The following GLP1R variants were observed in gnomAD, a reference collection of about 807,000 sequenced individuals.
GLP1R encodes glucagon like peptide 1 receptor.
A neutral mutation model predicts 68.4 loss-of-function variants in GLP1R; 32 were observed. The observed-to-expected ratio is 0.47, with a 90% CI of 0.35 to 0.63. GLP1R has a LOEUF of 0.63. Ranked by LOEUF, GLP1R falls within the 20% of genes least tolerant of loss-of-function variation. The pLI is 0.00. For synonymous variants in GLP1R, 263 were observed against 244.4 expected (o/e 1.08, Z -0.71); for missense variants, 502 against 594.9 (o/e 0.84, Z 1.62).
rs570334842 is a variant in GLP1R, at chr6:39,077,908, C to T, written c.824-414C>T. Among the ~76,000 whole-genome samples, 6 of 152,252 alleles carry T rather than the reference C, an allele frequency of 3.9e-5. No individual in the cohort carries two copies. The South Asian group carries it at 1.0e-3, about 26-fold the overall frequency. ...AGTGCCTTTAGGAGTTGACTGGCAA[C>T]GTGGGCTGAAGCAAGAGAGAAAATG... On this transcript the variant is annotated intron_variant, in intron 7 of 12. Coordinates refer to ENST00000373256, the MANE Select transcript of GLP1R (RefSeq NM_002062.5).
chr6:39,072,788 A>C, intron 5 of GLP1R, 74 bp from the exon 6 acceptor site: 1 of 1,337,716 alleles, frequency 7.5e-7, no homozygotes, highest in Non-Finnish European at 1.1e-6. Context: ...TGTGTGTGTT[A>C]GCTTGAGAGC....
rs201174286 is a variant in GLP1R at position 39,086,201 on chromosome 6, A to C, written c.*128A>C. On this transcript the variant is annotated 3_prime_UTR_variant, in exon 13 of 13. Transcript: ENST00000373256. This position sits in a 1 kb window ranked among gnomAD's most constrained non-coding sequence, Gnocchi z 4.5. ...CACACACACACACACACACACACAC[A>C]CACATACATCCTGCTTTCCCTCCCC... The C allele has an allele frequency of 5.2e-6, 3 of 579,862 alleles. No homozygotes were observed. Among genetic ancestry groups the C allele is most frequent in the Non-Finnish European group, 8.3e-6 (3 of 360,702 alleles). 35.9% of individuals were successfully genotyped at this position (579,862 alleles called of 1,614,324 possible).
Position 39,079,259 on chromosome 6 carries a change from C to A in GLP1R, c.1043+59C>A. The A allele has an allele frequency of 9.0e-7, 1 of 1,106,450 alleles. No individual in the cohort carries two copies. The highest frequency in any genetic ancestry group is 1.4e-6 in the Non-Finnish European group (1 of 723,104). The allele number at this position is 1,106,450 out of a possible 1,614,324, so 68.5% of individuals were successfully genotyped here. ...TCAGCAAGTGCCCCTTTCCTTCTAG[C>A]AGAGAGAGAGAGAGAGATCCTGGGA... On this transcript the variant is annotated intron_variant, in intron 10 of 12. Transcript: ENST00000373256. This position sits in a 1 kb window ranked among gnomAD's most constrained non-coding sequence, Gnocchi z 4.5.
intron 8 of GLP1R, among the ~76,000 whole-genome samples, 190 bp from the exon 9 acceptor site, chr6:39,078,767 C>T (rs761251678): frequency 7.9e-5 from 12 of 152,028 alleles, no homozygotes; most frequent in African/African-American, 1.9e-4. Context: ...TTGGACTATG[C>T]GTGTGTGTTG....
chr6:39,056,731 C>A (rs1013517536), intron 2 of GLP1R, among the ~76,000 whole-genome samples: 3 of 152,232 alleles, frequency 2.0e-5, no homozygotes, highest in Non-Finnish European at 2.9e-5. Flanking sequence ...AGAAAATCTT[C>A]CCCAGGACTT....
chr6:39,066,327 G>T, intron 5 of GLP1R, 24 bp downstream of exon 5: 3 of 1,339,732 alleles, frequency 2.2e-6, no homozygotes, highest in East Asian at 2.3e-5. Flanking sequence ...GACCCTGGGA[G>T]GGGGCTGCTT....
intron 3 of GLP1R, among the ~76,000 whole-genome samples, chr6:39,058,299 C>T (rs538857322): frequency 2.0e-4 from 30 of 152,240 alleles, no homozygotes; most frequent in African/African-American, 7.2e-4. Context: ...TTAGCTACTT[C>T]CTCACTCTTT....
chr6:39,068,692 C>T (rs573738508), intron 5 of GLP1R, among the ~76,000 whole-genome samples: 1 of 152,324 alleles, frequency 6.6e-6, no homozygotes, highest in South Asian at 2.1e-4. Context: ...CCCACTTGAG[C>T]CGCAGCTAGG....
At chr6:39,052,945 T>C (rs1306420002) in intron 1 of GLP1R, among the ~76,000 whole-genome samples, 1 of 152,152 alleles carries the variant, frequency 6.6e-6, no homozygotes, top group Non-Finnish European at 1.5e-5. Flanking sequence ...TCCCTCCTGG[T>C]GTCCTCTTTC....
intron 7 of GLP1R, 30 bp from the exon 8 acceptor site, chr6:39,078,292 T>G (rs1768887879): frequency 6.4e-7 from 1 of 1,571,176 alleles, no homozygotes; most frequent in Non-Finnish European, 8.8e-7. Context: ...TGCCAGCCCC[T>G]CTCCCCTTCT....
intron 3 of GLP1R, among the ~76,000 whole-genome samples, chr6:39,059,297 T>G (rs2150823476): frequency 6.6e-6 from 1 of 152,354 alleles, no homozygotes; most frequent in Middle Eastern, 3.4e-3. Context: ...AGGTGCTCAG[T>G]GACTTTTGCA....
chr6:39,066,860 T>A (rs9296281), intron 5 of GLP1R, among the ~76,000 whole-genome samples: 69,004 of 151,832 alleles, frequency 0.45, 16,349 homozygotes, highest in Non-Finnish European at 0.51. Context: ...AGGGAAGGGA[T>A]TCTGAGAGAA....
chr6:39,073,003 C>T lies in GLP1R; in HGVS notation c.651C>T (p.Leu217=), dbSNP rs201611272. ...TAAQQHQWDG[L]LSYQDSLSCR... is the part of the protein sequence containing the mutation. ...CCCAGCAGCACCAGTGGGATGGGCT[C>T]CTCTCCTACCAGGTGTGTGGTGCAT... The change falls in exon 6 of 13, where the codon CTC becomes CTT. Residue 217 remains leucine (L), a synonymous_variant. Coordinates refer to ENST00000373256, the MANE Select transcript of GLP1R (RefSeq NM_002062.5). 126 of 1,613,800 alleles carry T rather than the reference C, an allele frequency of 7.8e-5. No individual in the cohort carries two copies. Among genetic ancestry groups the T allele is most frequent in the Non-Finnish European group, 1.0e-4 (120 of 1,179,944 alleles).
In GLP1R at chr6:39,083,140, A is replaced by G. The variant is rs2150838712; in HGVS notation, c.1224+2401A>G. ...TGCACCTCTCTGACCAGGCCTGGCTACAGACCCCAGCTAGCATCTCCCCGT... is the reference window on the plus strand; with the variant it reads ...TGCACCTCTCTGACCAGGCCTGGCTGCAGACCCCAGCTAGCATCTCCCCGT... On this transcript the variant is annotated intron_variant, in intron 12 of 12. Transcript: ENST00000373256. 2.6e-5 allele frequency among the ~76,000 whole-genome samples: 4 copies of G among 152,274 alleles called. No individual in the cohort carries two copies. The Middle Eastern group carries it at 0.01, about 388-fold the overall frequency.
At chr6:39,051,594 G>C (rs1440831739) in intron 1 of GLP1R, among the ~76,000 whole-genome samples, 1 of 152,180 alleles carries the variant, frequency 6.6e-6, no homozygotes, top group Non-Finnish European at 1.5e-5. Flanking sequence ...GGCAAAACAG[G>C]CTTCCTCAGC....
At chr6:39,083,675 T>A (rs1583653303) in intron 12 of GLP1R, among the ~76,000 whole-genome samples, 2 of 152,206 alleles carry the variant, frequency 1.3e-5, no homozygotes, top group East Asian at 3.9e-4. Flanking sequence ...TAAATGAAGG[T>A]GAATGAGCTT....
chr6:39,052,933 A>G (rs1225588933), intron 1 of GLP1R, among the ~76,000 whole-genome samples: 1 of 151,246 alleles, frequency 6.6e-6, no homozygotes, highest in East Asian at 1.9e-4. Flanking sequence ...AGACCACACC[A>G]CTCCCTCCTG....
At chr6:39,066,083 C>T in intron 4 of GLP1R, 114 bp from the exon 5 acceptor site, 1 of 640,360 alleles carries the variant, frequency 1.6e-6, no homozygotes, top group East Asian at 2.7e-5. Flanking sequence ...GTCTTGGTAT[C>T]CCCGGTGAGT....
In GLP1R at chr6:39,087,574, G is replaced by C. The variant is rs1769181571; in HGVS notation, c.*1501G>C. ...TCAGGACCTCCGGGGAGAGCAGAGG[G>C]TTCCGACGGATTCCTTTATGAGTCA... On this transcript the variant is annotated 3_prime_UTR_variant, in exon 13 of 13. Transcript: ENST00000373256. The C allele has an allele frequency of 6.6e-6, 1 of 152,206 alleles. No homozygotes were observed. The highest frequency in any genetic ancestry group is 6.5e-5 in the Admixed American group (1 of 15,286). The allele number at this position is 152,206 out of a possible 1,614,324, so 9.4% of individuals were successfully genotyped here. A position where few individuals can be genotyped will look rare whatever the true frequency, so the allele number is the denominator to read the frequency against.
Sources: gnomAD v4.1 joint callset for allele counts (sites outside exome capture counted in the v4.1 genomes callset) on GRCh38, gnomAD v4.1.1 for gene constraint, Gnocchi (gnomAD v3.1) non-coding constraint, MANE v1.5 for transcripts, NCBI Gene and HGNC (gene_info 2026-07-23, HGNC 2026-07-21) for gene names.